Variants in MICU1 observed in about 807,000 individuals in gnomAD.
MICU1 encodes the protein mitochondrial calcium uptake 1, also known as calcium uptake protein 1, mitochondrial.
MICU1 carries 45 observed loss-of-function variants against 56.8 expected under a neutral mutation model. The ratio of observed to expected loss-of-function variants is 0.79; its 90% confidence interval spans 0.62 to 1.02. The LOEUF (loss-of-function observed/expected upper bound fraction) is 1.02, where lower values mean the gene tolerates loss of function less well. MICU1 is among the 50% of genes least tolerant of loss of function. The probability of loss-of-function intolerance (pLI) is 0.00; values close to 1 mark genes in which losing one functional copy is unlikely to be tolerated. For missense variants in MICU1, 504 were observed against 587.1 expected (o/e 0.86, Z 1.46); for synonymous variants, 186 against 195.1 (o/e 0.95, Z 0.39).
At chr10:72,607,531 G>C (rs1451182633) in intron 1 of MICU1, among the ~76,000 whole-genome samples, 2 of 151,266 alleles carry the variant, frequency 1.3e-5, no homozygotes, top group Non-Finnish European at 2.9e-5. Context: ...CAGCTCCTCA[G>C]GAGGCTGAGG....
At chr10:72,413,909 C>G (rs1863902889) in intron 9 of MICU1, among the ~76,000 whole-genome samples, 1 of 152,066 alleles carries the variant, frequency 6.6e-6, no homozygotes, top group South Asian at 2.1e-4. Flanking sequence ...TAGGAAAATA[C>G]AAATTAAAAT....
In MICU1 at chr10:72,553,699, A is replaced by G. The variant is rs185640180; in HGVS notation, c.331-2358T>C. ...TTAAGTCAATCATATACATAAAGGT[A>G]AAAAAATAAGAACTTAAAAATCAAG... On this transcript the variant is annotated intron_variant, in intron 3 of 11. Transcript: ENST00000361114. Among the ~76,000 whole-genome samples, 938 of 152,340 alleles carry G rather than the reference A, an allele frequency of 6.2e-3. 5 individuals are homozygous for G. The highest frequency in any genetic ancestry group is 0.045 in the South Asian group (215 of 4,828).
intron 9 of MICU1, among the ~76,000 whole-genome samples, chr10:72,417,574 A>G (rs555600786): frequency 2.7e-3 from 418 of 152,318 alleles, no homozygotes; most frequent in African/African-American, 9.5e-3. Context: ...ATAATTTTCA[A>G]TTTCATCCTT....
chr10:72,509,427 C>T, intron 5 of MICU1: 1 of 1,323,722 alleles, frequency 7.6e-7, no homozygotes, highest in Non-Finnish European at 9.9e-7. Flanking sequence ...CATCATAAAC[C>T]ACAAAGGAAA....
intron 6 of MICU1, chr10:72,501,745 T>C (rs1352738422): frequency 6.6e-6 from 1 of 152,182 alleles, no homozygotes; most frequent in Non-Finnish European, 1.5e-5. Context: ...ATTACCCGAA[T>C]CACATACAGA....
At chr10:72,594,823 T>A (rs1841326170) in intron 1 of MICU1, among the ~76,000 whole-genome samples, 1 of 149,906 alleles carries the variant, frequency 6.7e-6, no homozygotes, top group African/African-American at 2.5e-5. Flanking sequence ...GGAAGGACGA[T>A]CACTTGAGCC....
intron 6 of MICU1, among the ~76,000 whole-genome samples, chr10:72,486,152 A>T (rs940740636): frequency 1.3e-5 from 2 of 152,204 alleles, no homozygotes; most frequent in East Asian, 3.8e-4. Context: ...GCAAGAAGAT[A>T]ATAAGGGAAA....
intron 1 of MICU1, among the ~76,000 whole-genome samples, chr10:72,582,624 A>T (rs1324417919): frequency 1.3e-5 from 2 of 152,072 alleles, no homozygotes; most frequent in African/African-American, 4.8e-5. Flanking sequence ...AATTAAATTT[A>T]AAAAAATTAC....
intron 3 of MICU1, among the ~76,000 whole-genome samples, chr10:72,557,135 G>C (rs2132456278): frequency 6.6e-6 from 1 of 152,000 alleles, no homozygotes; most frequent in South Asian, 2.1e-4. Context: ...AAGCATATTA[G>C]TTAGGGTAGG....
chr10:72,396,251 A>T (rs1863253691), intron 10 of MICU1, among the ~76,000 whole-genome samples: 1 of 152,240 alleles, frequency 6.6e-6, no homozygotes, highest in South Asian at 2.1e-4. Context: ...ATCAACAAAA[A>T]GGACGTCCAC....
chr10:72,480,328 T>C (rs961983595), intron 6 of MICU1, among the ~76,000 whole-genome samples: 5 of 152,206 alleles, frequency 3.3e-5, no homozygotes, highest in Admixed American at 6.5e-5. Flanking sequence ...GTTTGAGAAA[T>C]AAAATGATTT....
At chr10:72,543,853 A>C (rs530082339) in intron 4 of MICU1, among the ~76,000 whole-genome samples, 97 of 152,264 alleles carry the variant, frequency 6.4e-4, no homozygotes, top group African/African-American at 2.3e-3. Flanking sequence ...CTGTCTCAAA[A>C]AAAAAAAAGG....
At chr10:72,604,657 A>G (rs1841640940) in intron 1 of MICU1, among the ~76,000 whole-genome samples, 1 of 152,108 alleles carries the variant, frequency 6.6e-6, no homozygotes, top group African/African-American at 2.4e-5. Context: ...TCTTACTTGA[A>G]GATGTTGTCT....
chr10:72,480,669 C>T lies in MICU1; in HGVS notation c.653-3413G>A, dbSNP rs115371838. Among the ~76,000 whole-genome samples, 46 of 152,310 alleles carry T rather than the reference C, an allele frequency of 3.0e-4. 2 individuals carry two copies. The highest frequency in any genetic ancestry group is 1.8e-3 in the Admixed American group (28 of 15,304). On this transcript the variant is annotated intron_variant, in intron 6 of 11. Coordinates refer to ENST00000361114, the MANE Select transcript of MICU1 (RefSeq NM_001195518.2). ...GAAATAGGAAAACATTTGATAAGAG[C>T]GAAGTCAATATGCTCCCATACATGA...
chr10:72,406,301 A>G (rs982182553), intron 10 of MICU1, among the ~76,000 whole-genome samples: 2 of 152,112 alleles, frequency 1.3e-5, no homozygotes, highest in Non-Finnish European at 2.9e-5. Context: ...TATTAATAAA[A>G]CTATAAGACC....
intron 1 of MICU1, among the ~76,000 whole-genome samples, chr10:72,577,909 A>G (rs1840791447): frequency 6.6e-6 from 1 of 152,188 alleles, no homozygotes; most frequent in Non-Finnish European, 1.5e-5. Context: ...AGATGCTGTG[A>G]ACATTGCTGA....
rs933991461 is a variant in MICU1, at chr10:72,566,800, G to C, written c.-1-6C>G. ...GTGAGTTCAGACGAAACATCCTGTG[G>C]ACAATAAGTAGAAATGTCACTCTTA... On this transcript the variant is annotated splice_region_variant and splice_polypyrimidine_tract_variant and intron_variant, in intron 1 of 11. Transcript: ENST00000361114. 5.6e-6 allele frequency: 9 copies of C among 1,604,018 alleles called. No homozygotes were observed. In the African/African-American group the frequency reaches 1.1e-4, roughly 19 times the overall value.
At chr10:72,548,068 T>C (rs1182954959) in intron 4 of MICU1, among the ~76,000 whole-genome samples, 2 of 152,220 alleles carry the variant, frequency 1.3e-5, no homozygotes, top group South Asian at 2.1e-4. Context: ...TGTGCCAACA[T>C]GGTTGAGTAT....
intron 1 of MICU1, among the ~76,000 whole-genome samples, chr10:72,623,512 C>T (rs990441329): frequency 1.3e-5 from 2 of 151,936 alleles, no homozygotes; most frequent in Non-Finnish European, 2.9e-5. Context: ...GAGGCCAAGG[C>T]GGGAGGATCG....
Sources: allele counts gnomAD v4.1 joint callset (sites outside exome capture counted in the v4.1 genomes callset), GRCh38; gene constraint gnomAD v4.1.1; transcripts MANE v1.5; gene names NCBI Gene and HGNC (gene_info 2026-07-23, HGNC 2026-07-21).